RHEX: variants seen among roughly 807,000 people sequenced by gnomAD.
RHEX encodes the protein regulator of hemoglobinization and erythroid cell expansion protein.
Under a neutral mutation model 20.1 loss-of-function variants are expected in RHEX, and 18 were observed. The observed-to-expected ratio is 0.90, with a 90% CI of 0.62 to 1.33. The LOEUF (loss-of-function observed/expected upper bound fraction) is 1.33, where lower values mean the gene tolerates loss of function less well. Among genes scored for constraint, RHEX ranks in the 40% most tolerant of loss-of-function variants. The probability of loss-of-function intolerance (pLI) is 0.00; values close to 1 mark genes in which losing one functional copy is unlikely to be tolerated. For synonymous variants in RHEX, 87 were observed against 77.1 expected (o/e 1.13, Z -0.67); for missense variants, 192 against 214.3 (o/e 0.90, Z 0.65).
intron 1 of RHEX, among the ~76,000 whole-genome samples, chr1:206,087,849 C>CA (rs1408138988): frequency 6.6e-6 from 1 of 152,166 alleles, no homozygotes; most frequent in Non-Finnish European, 1.5e-5. Context: ...GTTCTCACTA[C>CA]AAAAAATGAT....
At chr1:206,091,351 T>C in intron 1 of RHEX, among the ~76,000 whole-genome samples, 1 of 152,302 alleles carries the variant, frequency 6.6e-6, no homozygotes, top group South Asian at 2.1e-4. Flanking sequence ...GGTTGCAGCA[T>C]ACACCCTTGC....
At position 206,081,293 on chromosome 1, in the gene RHEX, C is replaced by T. The variant is rs569816631; in HGVS notation, c.-96-16440C>T. On this transcript the variant is annotated intron_variant, in intron 1 of 5. Coordinates refer to ENST00000331555, the MANE Select transcript of RHEX (RefSeq NM_001007544.4). ...TACATACTAGGTACAGGCACAATCC[C>T]GGCTGGTGGGGATACAGAGAACAAG... 4.9e-4 allele frequency among the ~76,000 whole-genome samples: 74 copies of T among 152,278 alleles called. 1 individual carries two copies. Among genetic ancestry groups the T allele is most frequent in the African/African-American group, 1.6e-3 (65 of 41,548 alleles).
At chr1:206,090,202 C>CTTTTTTTTTTTTTT (rs59499927) in intron 1 of RHEX, among the ~76,000 whole-genome samples, 120 of 112,522 alleles carry the variant, frequency 1.1e-3, no homozygotes, top group East Asian at 1.6e-3. Flanking sequence ...TCTTTTCTTT[C>CTTTTTTTTTTTTTT]TTTTTTTTTT....
intron 1 of RHEX, among the ~76,000 whole-genome samples, chr1:206,072,099 G>A (rs115744028): frequency 1.3e-5 from 2 of 152,052 alleles, no homozygotes; most frequent in African/African-American, 2.4e-5. Context: ...CTTTCATGCC[G>A]CCCCTAATTT....
intron 3 of RHEX, chr1:206,098,536 T>C: frequency 4.8e-6 from 1 of 206,312 alleles, no homozygotes; most frequent in Non-Finnish European, 9.9e-6. Flanking sequence ...TATGAAGAAA[T>C]GTCCTTGAAT....
At chr1:206,094,470 C>T (rs1663027627) in intron 1 of RHEX, among the ~76,000 whole-genome samples, 1 of 152,198 alleles carries the variant, frequency 6.6e-6, no homozygotes, top group South Asian at 2.1e-4. Context: ...CTAATAATTA[C>T]TGAGTGCCTC....
In RHEX at chr1:206,097,813, C is replaced by G; in HGVS notation, c.-16C>G. 6.2e-7 allele frequency: 1 copy of G among 1,613,640 alleles called. No individual in the cohort carries two copies. Among genetic ancestry groups the G allele is most frequent in the Non-Finnish European group, 8.5e-7 (1 of 1,179,512 alleles). ...TGAAAGTGCCTGAGCCCCAACTTATCAGCAAGGAGCTCATCATGCTGACAG... is the reference window on the plus strand; with the variant it reads ...TGAAAGTGCCTGAGCCCCAACTTATGAGCAAGGAGCTCATCATGCTGACAG... On this transcript the variant is annotated 5_prime_UTR_variant, in exon 2 of 6. The change creates a new upstream start codon in the 5' untranslated region. Transcript: ENST00000331555.
intron 1 of RHEX, among the ~76,000 whole-genome samples, chr1:206,095,592 G>A (rs1024537889): frequency 5.9e-5 from 9 of 152,110 alleles, no homozygotes; most frequent in Non-Finnish European, 7.4e-5. Flanking sequence ...CAAGGCAGGC[G>A]GATCACCTGA....
At chr1:206,094,742 G>T (rs1181316896) in intron 1 of RHEX, among the ~76,000 whole-genome samples, 2 of 152,140 alleles carry the variant, frequency 1.3e-5, no homozygotes, top group Non-Finnish European at 2.9e-5. Flanking sequence ...GGGAGACAGG[G>T]TCTTACTCTG....
At chr1:206,093,249 A>G (rs782422896) in intron 1 of RHEX, among the ~76,000 whole-genome samples, 2 of 151,956 alleles carry the variant, frequency 1.3e-5, no homozygotes, top group Non-Finnish European at 2.9e-5. Flanking sequence ...GATTATAATT[A>G]CTTTGATCCA....
intron 1 of RHEX, among the ~76,000 whole-genome samples, chr1:206,096,524 G>T (rs1663071385): frequency 6.6e-6 from 1 of 152,242 alleles, no homozygotes; most frequent in Non-Finnish European, 1.5e-5. Context: ...CCTGGCAGGG[G>T]TCTTGAGGAA....
rs1015394881 is a variant in RHEX, at chr1:206,088,270, T to C, written c.-96-9463T>C. Among the ~76,000 whole-genome samples the C allele has an allele frequency of 2.6e-5, 4 of 152,250 alleles. No individual in the cohort carries two copies. In the East Asian group the frequency reaches 5.8e-4, roughly 22 times the overall value. On this transcript the variant is annotated intron_variant, in intron 1 of 5. Transcript: ENST00000331555. ...ATACCTGGTTTTGTTAACACTTACA[T>C]GTATCTTCTTTCATTCCCTCCATAT...
At chr1:206,059,977 C>T (rs782736179) in intron 1 of RHEX, among the ~76,000 whole-genome samples, 4 of 152,150 alleles carry the variant, frequency 2.6e-5, no homozygotes, top group Non-Finnish European at 5.9e-5. Flanking sequence ...CACTGCACAT[C>T]CTGGTTATCT....
At chr1:206,076,374 C>T (rs1349955153) in intron 1 of RHEX, among the ~76,000 whole-genome samples, 2 of 152,174 alleles carry the variant, frequency 1.3e-5, no homozygotes, top group Admixed American at 1.3e-4. Flanking sequence ...CCATGTTGCC[C>T]AGGCTGGTCT....
rs1553288178 is a variant in RHEX at position 206,099,777 on chromosome 1, AT to A, written c.236del (p.Met79SerfsTer46). ...KETQTERDIP[M>X]SDSLYRHDSD... ...GACTCAGACAGAGAGAGACATCCCA[AT>A]GTCTGATTCCCTTTACAGGCGTGAG... is the stretch of plus-strand genomic sequence containing the variant. On this transcript the variant is annotated frameshift_variant, in exon 4 of 6. Coordinates refer to ENST00000331555, the MANE Select transcript of RHEX (RefSeq NM_001007544.4). LOFTEE classifies it high-confidence loss of function. 1.2e-6 allele frequency: 2 copies of A among 1,613,980 alleles called. No individual in the cohort carries two copies. The highest frequency in any genetic ancestry group is 1.7e-6 in the Non-Finnish European group (2 of 1,179,906).
chr1:206,093,816 G>A (rs1299088834), intron 1 of RHEX, among the ~76,000 whole-genome samples: 2 of 152,084 alleles, frequency 1.3e-5, no homozygotes, highest in Admixed American at 6.5e-5. Context: ...CAAAATAAAT[G>A]CTCTTAGCAC....
In RHEX at chr1:206,098,078, C is replaced by CTTTGACTACAAATGG; in HGVS notation, c.12-3_12-2insTTTGACTACAAATGG. The CTTTGACTACAAATGG allele has an allele frequency of 6.2e-7, 1 of 1,611,790 alleles. No individual in the cohort carries two copies. The highest frequency in any genetic ancestry group is 8.5e-7 in the Non-Finnish European group (1 of 1,177,850). On this transcript the variant is annotated splice_polypyrimidine_tract_variant and splice_region_variant and intron_variant, in intron 2 of 5. Coordinates refer to ENST00000331555, the MANE Select transcript of RHEX (RefSeq NM_001007544.4). ...GACTTTGCCCCTTTTTCTTTCCCAACAGAGTCATGGAGGTCTGGCATGGCT... is the reference window on the plus strand; with the variant it reads ...GACTTTGCCCCTTTTTCTTTCCCAACTTTGACTACAAATGGAGAGTCATGGAGGTCTGGCATGGCT...
chr1:206,066,701 G>A (rs1056067980), intron 1 of RHEX, among the ~76,000 whole-genome samples: 4 of 152,222 alleles, frequency 2.6e-5, no homozygotes, highest in Admixed American at 1.3e-4. Flanking sequence ...ACAGAAGGGA[G>A]AGGCTGAGAT....
intron 1 of RHEX, among the ~76,000 whole-genome samples, chr1:206,055,728 C>A (rs1418107693): frequency 2.6e-5 from 4 of 152,224 alleles, no homozygotes; most frequent in African/African-American, 9.7e-5. Flanking sequence ...AGAAAAAACC[C>A]ATGTCGGCCC....
Sources: allele counts gnomAD v4.1 joint callset (sites outside exome capture counted in the v4.1 genomes callset), GRCh38; gene constraint gnomAD v4.1.1; transcripts MANE v1.5; gene names NCBI Gene and HGNC (gene_info 2026-07-23, HGNC 2026-07-21).